The following TBCK variants were observed in gnomAD, a reference collection of about 807,000 sequenced individuals.
TBCK encodes the protein TBC domain-containing protein kinase-like protein.
TBCK carries 99 observed loss-of-function variants against 113.4 expected under a neutral mutation model. The observed-to-expected ratio is 0.87, with a 90% CI of 0.74 to 1.03. The LOEUF is 1.03. Ranked by LOEUF, TBCK falls within the 50% of genes least tolerant of loss-of-function variation. The pLI is 0.00. For missense variants in TBCK, 1,045 were observed against 1,061.3 expected (o/e 0.98, Z 0.21); for synonymous variants, 369 against 370.8 (o/e 1.00, Z 0.05).
chr4:106,178,708 C>T (rs1440517684), intron 22 of TBCK, among the ~76,000 whole-genome samples: 1 of 151,828 alleles, frequency 6.6e-6, no homozygotes, highest in Non-Finnish European at 1.5e-5. Flanking sequence ...TTGTTGAATT[C>T]AGTTGCTTGT....
intron 3 of TBCK, among the ~76,000 whole-genome samples, chr4:106,265,805 C>T (rs1762945236): frequency 6.6e-6 from 1 of 151,514 alleles, no homozygotes; most frequent in South Asian, 2.1e-4. Flanking sequence ...ATTTTTTTAC[C>T]TCAAATATTA....
At chr4:106,289,791 A>G (rs1199863918) in intron 3 of TBCK, among the ~76,000 whole-genome samples, 1 of 151,858 alleles carries the variant, frequency 6.6e-6, no homozygotes, top group Non-Finnish European at 1.5e-5. Flanking sequence ...AAAAAAAAAA[A>G]GACGATTGAT....
chr4:106,067,323 C>G (rs539820787), intron 25 of TBCK, among the ~76,000 whole-genome samples: 6 of 152,108 alleles, frequency 3.9e-5, no homozygotes, highest in African/African-American at 1.2e-4. Flanking sequence ...TTCTTAATAT[C>G]GTTGTCTGTT....
chr4:106,245,321 T>C (rs1466237707), intron 10 of TBCK, among the ~76,000 whole-genome samples: 2 of 152,156 alleles, frequency 1.3e-5, no homozygotes, highest in African/African-American at 4.8e-5. Context: ...CAATGAGCAC[T>C]GTTCTTAACA....
chr4:106,209,509 A>T (rs1263306139), intron 20 of TBCK, among the ~76,000 whole-genome samples: 3 of 152,216 alleles, frequency 2.0e-5, no homozygotes, highest in Admixed American at 6.5e-5. Flanking sequence ...AAAAAATACA[A>T]ATATAATATT....
intron 23 of TBCK, among the ~76,000 whole-genome samples, chr4:106,165,360 T>C (rs1256936796): frequency 6.6e-6 from 1 of 151,694 alleles, no homozygotes; most frequent in African/African-American, 2.4e-5. Context: ...GGGATGAAAA[T>C]AGTATTAAGA....
chr4:106,139,734 T>A (rs1244158834), intron 23 of TBCK, among the ~76,000 whole-genome samples: 2 of 141,476 alleles, frequency 1.4e-5, no homozygotes, highest in African/African-American at 5.0e-5. Context: ...ACATATATTA[T>A]GGAATATGAA....
chr4:106,124,979 T>G (rs1744980774), intron 23 of TBCK, among the ~76,000 whole-genome samples: 1 of 146,482 alleles, frequency 6.8e-6, no homozygotes, highest in African/African-American at 2.6e-5. Context: ...TGTGCACATG[T>G]ACCCTAAAAC....
At chr4:106,160,875 T>C (rs2149706963) in intron 23 of TBCK, among the ~76,000 whole-genome samples, 1 of 152,050 alleles carries the variant, frequency 6.6e-6, no homozygotes, top group South Asian at 2.1e-4. Context: ...AAGTGTCTAC[T>C]GATGAATGAA....
intron 23 of TBCK, among the ~76,000 whole-genome samples, chr4:106,125,139 G>T (rs1745022410): frequency 6.6e-6 from 1 of 152,100 alleles, no homozygotes; most frequent in Non-Finnish European, 1.5e-5. Flanking sequence ...ATGTAAATTA[G>T]TATAGCCACT....
In TBCK at chr4:106,137,927, C is replaced by G. The variant is rs1005240979; in HGVS notation, c.2236-21549G>C. Reference sequence around the variant, plus strand: ...ATCATTCTGGAGACATTTTATCTCTCTGGGCCTCAGTTTTCTCAAATGATG... The same window carrying G: ...ATCATTCTGGAGACATTTTATCTCTGTGGGCCTCAGTTTTCTCAAATGATG... On this transcript the variant is annotated intron_variant, in intron 23 of 25. Coordinates refer to ENST00000394708, the MANE Select transcript of TBCK (RefSeq NM_001163435.3). Among the ~76,000 whole-genome samples, 12 of 140,570 alleles carry G rather than the reference C, an allele frequency of 8.5e-5. 2 individuals carry two copies. Among genetic ancestry groups the G allele is most frequent in the Admixed American group, 3.5e-4 (5 of 14,260 alleles). 92.2% of individuals were successfully genotyped at this position (140,570 alleles called of 152,430 possible). A position where few individuals can be genotyped will look rare whatever the true frequency, so the allele number is the denominator to read the frequency against.
At chr4:106,287,375 G>T (rs1398101806) in intron 3 of TBCK, among the ~76,000 whole-genome samples, 1 of 152,070 alleles carries the variant, frequency 6.6e-6, no homozygotes, top group Non-Finnish European at 1.5e-5. Flanking sequence ...CTCCTGTTTT[G>T]TAGGAGTGTT....
intron 3 of TBCK, among the ~76,000 whole-genome samples, chr4:106,267,561 C>T (rs1159210267): frequency 6.6e-6 from 1 of 151,822 alleles, no homozygotes; most frequent in Non-Finnish European, 1.5e-5. Flanking sequence ...TAAAAATTTA[C>T]TTATAACATT....
chr4:106,237,598 ATTAGAGTC>A lies in TBCK; in HGVS notation c.1171-798_1171-791del, dbSNP rs1664765363. ...TGCAGCAAGCACTGATCTTCTGCTG[ATTAGAGTC>A]TTTGTGCACCCATGTGAGTTATTCC... On this transcript the variant is annotated intron_variant, in intron 12 of 25. Coordinates refer to ENST00000394708, the MANE Select transcript of TBCK (RefSeq NM_001163435.3). 13 of 452,076 alleles carry A rather than the reference ATTAGAGTC, an allele frequency of 2.9e-5. 1 individual carries two copies. Among genetic ancestry groups the A allele is most frequent in the South Asian group, 2.0e-4 (13 of 63,760 alleles). The allele number at this position is 452,076 out of a possible 1,614,324, so 28.0% of individuals were successfully genotyped here.
intron 12 of TBCK, among the ~76,000 whole-genome samples, chr4:106,240,393 A>C (rs1387659466): frequency 6.6e-6 from 1 of 151,906 alleles, no homozygotes; most frequent in Non-Finnish European, 1.5e-5. Context: ...TTGGAAATGA[A>C]GGAAAAAACC....
intron 23 of TBCK, among the ~76,000 whole-genome samples, chr4:106,156,900 T>C (rs1461228303): frequency 6.6e-6 from 1 of 152,132 alleles, no homozygotes; most frequent in East Asian, 1.9e-4. Flanking sequence ...CAAAGCTCCC[T>C]TACTTTTCCC....
At chr4:106,285,849 CT>C (rs1215188257) in intron 3 of TBCK, among the ~76,000 whole-genome samples, 1 of 152,128 alleles carries the variant, frequency 6.6e-6, no homozygotes, top group Non-Finnish European at 1.5e-5. Flanking sequence ...ATTTATAAAC[CT>C]TAAGAACATC....
rs141585539 is a variant in TBCK at position 106,209,587 on chromosome 4, T to C, written c.1860+3163A>G. 1.5e-3 allele frequency among the ~76,000 whole-genome samples: 232 copies of C among 152,334 alleles called. 1 individual carries two copies. The highest frequency in any genetic ancestry group is 5.4e-3 in the African/African-American group (226 of 41,586). ...TGTGGTATGAAGTTAGGCTTTCATTTACACTGCCCTCCACATCCACATAGT... is the reference window on the plus strand; with the variant it reads ...TGTGGTATGAAGTTAGGCTTTCATTCACACTGCCCTCCACATCCACATAGT... On this transcript the variant is annotated intron_variant, in intron 20 of 25. Transcript: ENST00000394708.
intron 25 of TBCK, among the ~76,000 whole-genome samples, chr4:106,086,836 T>C (rs561867849): frequency 2.0e-5 from 3 of 152,148 alleles, no homozygotes; most frequent in African/African-American, 7.2e-5. Context: ...AAAAATCACA[T>C]GATTATGTCA....
Sources: gnomAD v4.1 joint callset for allele counts (sites outside exome capture counted in the v4.1 genomes callset) on GRCh38, gnomAD v4.1.1 for gene constraint, MANE v1.5 for transcripts, NCBI Gene and HGNC (gene_info 2026-07-23, HGNC 2026-07-21) for gene names.